The following ACTL10 variants were observed in gnomAD, a reference collection of about 807,000 sequenced individuals.
ACTL10 encodes the protein actin like 10.
For missense variants in ACTL10, 413 were observed against 359.4 expected, an observed-to-expected ratio of 1.15 and a Z score of -1.21; for synonymous variants, 180 against 169.9, an observed-to-expected ratio of 1.06 and a Z score of -0.46.
rs566131394 is a variant in ACTL10, at chr20:33,668,152, C to T, written c.655C>T (p.Leu219=). 4 of 1,612,742 alleles carry T rather than the reference C, an allele frequency of 2.5e-6. No homozygotes were observed. In the South Asian group the frequency reaches 4.4e-5, roughly 18 times the overall value. ...VWTGGSMVAS[L]HSFQRRWITR... is the part of the protein sequence containing the mutation. Reference sequence around the variant, plus strand: ...GACCGGCGGCTCCATGGTGGCCTCCCTGCACTCCTTCCAGCGCCGCTGGAT... The same window carrying T: ...GACCGGCGGCTCCATGGTGGCCTCCTTGCACTCCTTCCAGCGCCGCTGGAT... The change falls in exon 1 of 1, where the codon CTG becomes TTG. Residue 219 remains leucine (L), a synonymous_variant. Transcript: ENST00000677665.
Position 33,668,490 on chromosome 20 carries a change from G to T in ACTL10, c.*255G>T. The T allele has an allele frequency of 2.3e-6, 1 of 436,366 alleles. No homozygotes were observed. Among genetic ancestry groups the T allele is most frequent in the Non-Finnish European group, 4.1e-6 (1 of 243,626 alleles). The allele number at this position is 436,366 out of a possible 1,614,324, so 27.0% of individuals were successfully genotyped here. A position where few individuals can be genotyped will look rare whatever the true frequency, so the allele number is the denominator to read the frequency against. ...GCCTACCCACAGGGCCCTACTTTAT[G>T]GCAATAAAGGTGATGCCCCACTTGT... On this transcript the variant is annotated 3_prime_UTR_variant, in exon 1 of 1. Coordinates refer to ENST00000677665, the MANE Select transcript of ACTL10 (RefSeq NM_001024675.2).
chr20:33,666,969 C>T lies in ACTL10; in HGVS notation c.-529C>T, dbSNP rs2017673392. 1 of 153,534 alleles carries T rather than the reference C, an allele frequency of 6.5e-6. No individual in the cohort carries two copies. Among genetic ancestry groups the T allele is most frequent in the South Asian group, 2.1e-4 (1 of 4,842 alleles). The allele number at this position is 153,534 out of a possible 1,614,324, so 9.5% of individuals were successfully genotyped here. ...AAGAACTTAGGCTCCGGAGGCAGAG[C>T]CAAAGGCTGAAGGGGACTACTCCCT... On this transcript the variant is annotated 5_prime_UTR_variant, in exon 1 of 1. Coordinates refer to ENST00000677665, the MANE Select transcript of ACTL10 (RefSeq NM_001024675.2).
Position 33,668,218 on chromosome 20 carries a change from T to C in ACTL10, c.721T>C (p.Tyr241His), listed in dbSNP as rs1352367744. Residue 241 changes from tyrosine to histidine, a missense_variant, in exon 1 of 1, where the codon TAC (tyrosine) becomes CAC (histidine). Coordinates refer to ENST00000677665, the MANE Select transcript of ACTL10 (RefSeq NM_001024675.2). Reference sequence around the variant, plus strand: ...CCAGGAGTGTGGCTCCAGGCTGCTGTACGATGTGTTCAACTGAGTCAGGCT... The same window carrying C: ...CCAGGAGTGTGGCTCCAGGCTGCTGCACGATGTGTTCAACTGAGTCAGGCT... ...MYQECGSRLL[Y>H]DVFN 1 of 1,596,800 alleles carries C rather than the reference T, an allele frequency of 6.3e-7. No homozygotes were observed. Among genetic ancestry groups the C allele is most frequent in the Non-Finnish European group, 8.5e-7 (1 of 1,170,738 alleles).
rs1476447106 is a variant in ACTL10, at chr20:33,667,993, G to C, written c.496G>C (p.Ala166Pro). The change falls in exon 1 of 1, where the codon GCC becomes CCC. Residue 166 changes from alanine (A) to proline (P), a missense_variant. Transcript: ENST00000677665. ...ACGCCTGGCAGACACCGTGGTGCTA[G>C]CCGGCGGCTCCACACTGTTTCCTGG... ...RTRLADTVVL[A>P]GGSTLFPGFA... 3.9e-6 allele frequency: 6 copies of C among 1,546,924 alleles called. No homozygotes were observed. The highest frequency in any genetic ancestry group is 5.2e-6 in the Non-Finnish European group (6 of 1,145,202).
chr20:33,668,171 G>A lies in ACTL10; in HGVS notation c.674G>A (p.Arg225His), dbSNP rs1335520958. 2 of 1,611,996 alleles carry A rather than the reference G, an allele frequency of 1.2e-6. No homozygotes were observed. The highest frequency in any genetic ancestry group is 1.1e-5 in the South Asian group (1 of 90,982). Residue 225 changes from arginine (R) to histidine (H), a missense_variant, in exon 1 of 1, where the codon CGC becomes CAC. By Grantham distance (29) the Arg-to-His change is conservative. Transcript: ENST00000677665. ...GCCTCCCTGCACTCCTTCCAGCGCC[G>A]CTGGATAACTCGGGCCATGTACCAG... ...MVASLHSFQR[R>H]WITRAMYQEC... is the part of the protein sequence containing the mutation.
rs1239263514 is a variant in ACTL10 at position 33,667,073 on chromosome 20, C to G, written c.-425C>G. On this transcript the variant is annotated 5_prime_UTR_variant, in exon 1 of 1. Coordinates refer to ENST00000677665, the MANE Select transcript of ACTL10 (RefSeq NM_001024675.2). ...GGAGCCTTCAGCCCCGCGGCTGGGC[C>G]GAGCCCGAAGGTGGCGTCGGTGTCG... The G allele has an allele frequency of 5.9e-6, 1 of 168,414 alleles. No homozygotes were observed. The highest frequency in any genetic ancestry group is 2.4e-5 in the African/African-American group (1 of 42,156). The allele number at this position is 168,414 out of a possible 1,614,324, so 10.4% of individuals were successfully genotyped here.
chr20:33,668,280 C>G lies in ACTL10; in HGVS notation c.*45C>G. On this transcript the variant is annotated 3_prime_UTR_variant, in exon 1 of 1. Transcript: ENST00000677665. ...GGTGGCACTGCGTTGGGGGACAGCT[C>G]TCTATCTAAAGAGTCAAGTGTTTGG... is the stretch of plus-strand genomic sequence containing the variant. 6.5e-7 allele frequency: 1 copy of G among 1,541,152 alleles called. No homozygotes were observed. Among genetic ancestry groups the G allele is most frequent in the South Asian group, 1.2e-5 (1 of 80,748 alleles).
chr20:33,667,127 C>T lies in ACTL10; in HGVS notation c.-371C>T, dbSNP rs2017679832. The T allele has an allele frequency of 1.5e-5, 3 of 196,718 alleles. No individual in the cohort carries two copies. Among genetic ancestry groups the T allele is most frequent in the African/African-American group, 6.9e-5 (3 of 43,278 alleles). The allele number at this position is 196,718 out of a possible 1,614,324, so 12.2% of individuals were successfully genotyped here. Reference sequence around the variant, plus strand: ...AGCCGCCGCGTGCACCGGCCGTCCTCCCTGGGCCGCATCGCGGTGGTGGTG... The same window carrying T: ...AGCCGCCGCGTGCACCGGCCGTCCTTCCTGGGCCGCATCGCGGTGGTGGTG... On this transcript the variant is annotated 5_prime_UTR_variant, in exon 1 of 1. Transcript: ENST00000677665.
At position 33,668,266 on chromosome 20, in the gene ACTL10, G is replaced by A. The variant is rs756880978; in HGVS notation, c.*31G>A. 56 of 1,551,836 alleles carry A rather than the reference G, an allele frequency of 3.6e-5. No individual in the cohort carries two copies. Among genetic ancestry groups the A allele is most frequent in the East Asian group, 2.3e-4 (10 of 44,172 alleles). ...GCTGGACTGGGGGGGGTGGCACTGCGTTGGGGGACAGCTCTCTATCTAAAG... is the reference window on the plus strand; with the variant it reads ...GCTGGACTGGGGGGGGTGGCACTGCATTGGGGGACAGCTCTCTATCTAAAG... On this transcript the variant is annotated 3_prime_UTR_variant, in exon 1 of 1. Transcript: ENST00000677665.
chr20:33,667,536 C>T lies in ACTL10; in HGVS notation c.39C>T (p.Gly13=), dbSNP rs1395612251. 1.3e-6 allele frequency: 2 copies of T among 1,542,282 alleles called. No individual in the cohort carries two copies. The highest frequency in any genetic ancestry group is 2.4e-5 in the East Asian group (1 of 41,318). The stretch of plus-strand genomic sequence containing the variant: ...CGTTGCTGGCGCTCTGCTCCACCGG[C>T]GCGTTCAGCGGGCTGGCCGTGGAGG... ...STALLALCST[G]AFSGLAVEAG... is the part of the protein sequence containing the mutation. Residue 13 remains glycine (G), a synonymous_variant, in exon 1 of 1, where the codon GGC becomes GGT. Coordinates refer to ENST00000677665, the MANE Select transcript of ACTL10 (RefSeq NM_001024675.2).
In ACTL10 at chr20:33,667,171, A is replaced by T; in HGVS notation, c.-327A>T. 8.2e-6 allele frequency: 2 copies of T among 244,258 alleles called. No individual in the cohort carries two copies. The highest frequency in any genetic ancestry group is 1.6e-5 in the Non-Finnish European group (2 of 127,164). The allele number at this position is 244,258 out of a possible 1,614,324, so 15.1% of individuals were successfully genotyped here. On this transcript the variant is annotated 5_prime_UTR_variant, in exon 1 of 1. Transcript: ENST00000677665. Reference sequence around the variant, plus strand: ...GGTGGTGGACCAGGGCTCGGGCTTCACCAAGGCGGGCTTCGCGGGCGAGAA... The same window carrying T: ...GGTGGTGGACCAGGGCTCGGGCTTCTCCAAGGCGGGCTTCGCGGGCGAGAA...
chr20:33,667,913 G>A lies in ACTL10; in HGVS notation c.416G>A (p.Gly139Glu). The A allele has an allele frequency of 6.4e-7, 1 of 1,570,772 alleles. No individual in the cohort carries two copies. The highest frequency in any genetic ancestry group is 1.2e-5 in the South Asian group (1 of 86,806). ...QPGLLGQAEQ[G>E]LPALAFRALQ... ...GGCCTGCTGGGCCAGGCTGAGCAGG[G>A]GCTGCCCGCGCTGGCCTTCCGGGCG... is the stretch of plus-strand genomic sequence containing the variant. The change falls in exon 1 of 1, where the codon GGG (glycine) becomes GAG (glutamate). Residue 139 changes from glycine to glutamate, a missense_variant. Gly to Glu is a moderately conservative substitution (Grantham distance 98). Transcript: ENST00000677665.
chr20:33,667,196 A>C lies in ACTL10; in HGVS notation c.-302A>C. The C allele has an allele frequency of 1.0e-5, 3 of 295,774 alleles. No individual in the cohort carries two copies. Among genetic ancestry groups the C allele is most frequent in the East Asian group, 5.4e-5 (1 of 18,362 alleles). The allele number at this position is 295,774 out of a possible 1,614,324, so 18.3% of individuals were successfully genotyped here. A position where few individuals can be genotyped will look rare whatever the true frequency, so the allele number is the denominator to read the frequency against. On this transcript the variant is annotated 5_prime_UTR_variant, in exon 1 of 1. Transcript: ENST00000677665. Reference sequence around the variant, plus strand: ...ACCAAGGCGGGCTTCGCGGGCGAGAACCAGCCGCGCATAGTGCTGAAGAGC... The same window carrying C: ...ACCAAGGCGGGCTTCGCGGGCGAGACCCAGCCGCGCATAGTGCTGAAGAGC...
At position 33,667,135 on chromosome 20, in the gene ACTL10, C is replaced by A; in HGVS notation, c.-363C>A. 1 of 202,634 alleles carries A rather than the reference C, an allele frequency of 4.9e-6. No individual in the cohort carries two copies. Among genetic ancestry groups the A allele is most frequent in the Non-Finnish European group, 9.9e-6 (1 of 100,928 alleles). 12.6% of individuals were successfully genotyped at this position (202,634 alleles called of 1,614,324 possible). Reference sequence around the variant, plus strand: ...CGTGCACCGGCCGTCCTCCCTGGGCCGCATCGCGGTGGTGGTGGACCAGGG... The same window carrying A: ...CGTGCACCGGCCGTCCTCCCTGGGCAGCATCGCGGTGGTGGTGGACCAGGG... On this transcript the variant is annotated 5_prime_UTR_variant, in exon 1 of 1. Transcript: ENST00000677665.
In ACTL10 at chr20:33,667,966, A is replaced by G; in HGVS notation, c.469A>G (p.Thr157Ala). Residue 157 changes from threonine (T) to alanine (A), a missense_variant, in exon 1 of 1, where the codon ACA (threonine) becomes GCA (alanine). Coordinates refer to ENST00000677665, the MANE Select transcript of ACTL10 (RefSeq NM_001024675.2). Reference protein sequence around the residue: ...ALQKMPKTLRTRLADTVVLAG... With the variant: ...ALQKMPKTLRARLADTVVLAG... ...GCAGAAGATGCCCAAAACGCTGCGG[A>G]CACGCCTGGCAGACACCGTGGTGCT... The G allele has an allele frequency of 1.3e-6, 2 of 1,550,658 alleles. No individual in the cohort carries two copies. Among genetic ancestry groups the G allele is most frequent in the Non-Finnish European group, 1.7e-6 (2 of 1,147,466 alleles).
In ACTL10 at chr20:33,667,690, C is replaced by G; in HGVS notation, c.193C>G (p.Pro65Ala). 6.2e-7 allele frequency: 1 copy of G among 1,612,120 alleles called. No individual in the cohort carries two copies. The highest frequency in any genetic ancestry group is 8.5e-7 in the Non-Finnish European group (1 of 1,179,874). ...YLRDLLVAANPDLLQQALPRK... is the reference protein window; with the variant it reads ...YLRDLLVAANADLLQQALPRK... ...GCGGGATCTGCTGGTGGCGGCGAAC[C>G]CTGACCTCTTGCAGCAGGCCCTGCC... The change falls in exon 1 of 1, where the codon CCT (proline) becomes GCT (alanine). Residue 65 changes from proline (P) to alanine (A), a missense_variant. Physicochemically the swap from Pro to Ala is conservative, Grantham distance 27. Coordinates refer to ENST00000677665, the MANE Select transcript of ACTL10 (RefSeq NM_001024675.2).
At position 33,667,958 on chromosome 20, in the gene ACTL10, C is replaced by G. The variant is rs745795580; in HGVS notation, c.461C>G (p.Thr154Arg). The change falls in exon 1 of 1, where the codon ACG becomes AGG. Residue 154 changes from threonine (T) to arginine (R), a missense_variant. Coordinates refer to ENST00000677665, the MANE Select transcript of ACTL10 (RefSeq NM_001024675.2). ...CGGGCGCTGCAGAAGATGCCCAAAA[C>G]GCTGCGGACACGCCTGGCAGACACC... Reference protein sequence around the residue: ...AFRALQKMPKTLRTRLADTVV... With the variant: ...AFRALQKMPKRLRTRLADTVV... The G allele has an allele frequency of 1.9e-6, 3 of 1,551,760 alleles. No homozygotes were observed. The highest frequency in any genetic ancestry group is 2.6e-6 in the Non-Finnish European group (3 of 1,148,102).
In ACTL10 at chr20:33,667,264, G is replaced by C; in HGVS notation, c.-234G>C. The C allele has an allele frequency of 2.2e-6, 1 of 446,564 alleles. No homozygotes were observed. The allele number at this position is 446,564 out of a possible 1,614,324, so 27.7% of individuals were successfully genotyped here. A position where few individuals can be genotyped will look rare whatever the true frequency, so the allele number is the denominator to read the frequency against. On this transcript the variant is annotated 5_prime_UTR_variant, in exon 1 of 1. Transcript: ENST00000677665. Reference sequence around the variant, plus strand: ...CTGGGACCGGCCGGTGCTGCCCGGAGCGCCGGGCTGCGAGCTGGCGGGCGG... The same window carrying C: ...CTGGGACCGGCCGGTGCTGCCCGGACCGCCGGGCTGCGAGCTGGCGGGCGG...
Position 33,668,414 on chromosome 20 carries a change from G to T in ACTL10, c.*179G>T, listed in dbSNP as rs1306345569. ...ACCCATGGGACCCTCATTTTGAACT[G>T]CAGTTTGAATCTCCCCAACCACTGC... On this transcript the variant is annotated 3_prime_UTR_variant, in exon 1 of 1. Transcript: ENST00000677665. The T allele has an allele frequency of 4.8e-6, 4 of 836,674 alleles. No individual in the cohort carries two copies. In the East Asian group the frequency reaches 1.2e-4, roughly 25 times the overall value. The allele number at this position is 836,674 out of a possible 1,614,324, so 51.8% of individuals were successfully genotyped here.
Sources: allele counts gnomAD v4.1 joint callset, GRCh38; gene constraint gnomAD v4.1.1; transcripts MANE v1.5; gene names NCBI Gene and HGNC (gene_info 2026-07-23, HGNC 2026-07-21).